TRPV4: variants seen among roughly 807,000 people sequenced by gnomAD.
TRPV4 encodes the protein transient receptor potential cation channel subfamily V member 4.
TRPV4 carries 58 observed loss-of-function variants against 84.1 expected under a neutral mutation model. The observed-to-expected ratio is 0.69, with a 90% CI of 0.56 to 0.86. The LOEUF (loss-of-function observed/expected upper bound fraction) is 0.86. TRPV4 is among the 40% of genes least tolerant of loss of function. The probability of loss-of-function intolerance (pLI) is 0.00; values close to 1 mark genes in which losing one functional copy is unlikely to be tolerated. For missense variants in TRPV4, 879 were observed against 1,181.1 expected, an observed-to-expected ratio of 0.74 and a Z score of 3.75; for synonymous variants, 489 against 500.9, an observed-to-expected ratio of 0.98 and a Z score of 0.32.
At chr12:109,788,778 G>A (rs1162132618) in intron 12 of TRPV4, 62 bp from the exon 13 acceptor site, 3 of 1,588,514 alleles carry the variant, frequency 1.9e-6, no homozygotes, top group Non-Finnish European at 1.7e-6. Context: ...GGTGGAGGGT[G>A]TCATTCTCAT....
chr12:109,798,858 T>C lies in TRPV4; in HGVS notation c.908A>G (p.Tyr303Cys). 1 of 1,613,800 alleles carries C rather than the reference T, an allele frequency of 6.2e-7. No homozygotes were observed. Among genetic ancestry groups the C allele is most frequent in the Non-Finnish European group, 8.5e-7 (1 of 1,179,956 alleles). Residue 303 changes from tyrosine to cysteine, a missense_variant, in exon 6 of 16, where the codon TAC (tyrosine) becomes TGC (cysteine). This residue lies in a region of TRPV4 where 521 missense variants were observed against 686.6 expected (regional missense o/e 0.76). Transcript: ENST00000261740. This position sits in a 1 kb window ranked among gnomAD's most constrained non-coding sequence, Gnocchi z 5.0. ...ACTNQPHIVN[Y>C]LTENPHKKAD... Reference sequence around the variant, plus strand: ...CTTCTTGTGGGGGTTCTCCGTCAGGTAGTTGACAATGTGGGGCTGGTTGGT... The same window carrying C: ...CTTCTTGTGGGGGTTCTCCGTCAGGCAGTTGACAATGTGGGGCTGGTTGGT...
At chr12:109,805,238 AC>A (rs747151060) in intron 3 of TRPV4, among the ~76,000 whole-genome samples, 1 of 152,266 alleles carries the variant, frequency 6.6e-6, no homozygotes, top group Non-Finnish European at 1.5e-5. Flanking sequence ...TAGGTGCCCA[AC>A]AACCATTTGC....
At chr12:109,792,945 A>G (rs1890139584) in intron 10 of TRPV4, 128 bp from the exon 11 acceptor site, 3 of 883,012 alleles carry the variant, frequency 3.4e-6, no homozygotes, top group Non-Finnish European at 5.2e-6. Flanking sequence ...ACCCCCAGAA[A>G]AGAAACAAAG....
rs1192751599 is a variant in TRPV4 at position 109,793,009 on chromosome 12, C to A, written c.1659-192G>T. Among the ~76,000 whole-genome samples, 1 of 152,200 alleles carries A rather than the reference C, an allele frequency of 6.6e-6. No homozygotes were observed. Among genetic ancestry groups the A allele is most frequent in the African/African-American group, 2.4e-5 (1 of 41,454 alleles). ...TTAACAAGAACATTCAATTAGCTGG[C>A]AATTAATCCTGAGGTCCCACAGGAT... is the stretch of plus-strand genomic sequence containing the variant. On this transcript the variant is annotated intron_variant, in intron 10 of 15. Coordinates refer to ENST00000261740, the MANE Select transcript of TRPV4 (RefSeq NM_021625.5). The surrounding 1 kb of genome is among the most constrained non-coding windows in gnomAD (Gnocchi z 4.0).
chr12:109,793,964 G>A lies in TRPV4; in HGVS notation c.1550C>T (p.Thr517Met), dbSNP rs780568107. The change falls in exon 9 of 16, where the codon ACG (threonine) becomes ATG (methionine). Residue 517 changes from threonine to methionine, a missense_variant. This residue lies in a region of TRPV4 where 521 missense variants were observed against 686.6 expected (regional missense o/e 0.76). Coordinates refer to ENST00000261740, the MANE Select transcript of TRPV4 (RefSeq NM_021625.5). This position sits in a 1 kb window ranked among gnomAD's most constrained non-coding sequence, Gnocchi z 4.0. Reference sequence around the variant, plus strand: ...GAAGAACAGGACCCCAGTGAAGAGCGTAATGACCTCGCCAGCCAGCCGCAG... The same window carrying A: ...GAAGAACAGGACCCCAGTGAAGAGCATAATGACCTCGCCAGCCAGCCGCAG... ...DYLRLAGEVI[T>M]LFTGVLFFFT... The A allele has an allele frequency of 6.2e-6, 10 of 1,610,396 alleles. No homozygotes were observed. Among genetic ancestry groups the A allele is most frequent in the African/African-American group, 1.3e-5 (1 of 74,872 alleles).
chr12:109,790,356 CCCAAGGACTT>C (rs767547995), intron 12 of TRPV4, among the ~76,000 whole-genome samples: 2 of 152,190 alleles, frequency 1.3e-5, no homozygotes, highest in Non-Finnish European at 2.9e-5. Context: ...CGGGGATCAG[CCCAAGGACTT>C]GGTCAGTTTC....
intron 1 of TRPV4, among the ~76,000 whole-genome samples, chr12:109,821,854 C>T (rs1892111499): frequency 6.6e-6 from 1 of 152,126 alleles, no homozygotes; most frequent in Admixed American, 6.6e-5. Flanking sequence ...TTTGATTCAT[C>T]TTCTCTCTTC....
rs1274086278 is a variant in TRPV4 at position 109,815,928 on chromosome 12, G to A, written c.-31-1101C>T. On this transcript the variant is annotated intron_variant, in intron 1 of 15. Transcript: ENST00000261740. The surrounding 1 kb of genome is among the most constrained non-coding windows in gnomAD (Gnocchi z 4.1). ...TAGCCAGGAGCCAGGGCAAGGGAGG[G>A]GCAAGGCCCCACTGGTTGGCTGTCA... Among the ~76,000 whole-genome samples the A allele has an allele frequency of 1.3e-5, 2 of 152,212 alleles. No individual in the cohort carries two copies. The highest frequency in any genetic ancestry group is 2.9e-5 in the Non-Finnish European group (2 of 68,042).
chr12:109,792,746 A>G lies in TRPV4; in HGVS notation c.1730T>C (p.Val577Ala), dbSNP rs1259883717. The G allele has an allele frequency of 6.2e-7, 1 of 1,614,166 alleles. No individual in the cohort carries two copies. The highest frequency in any genetic ancestry group is 1.3e-5 in the African/African-American group (1 of 75,066). The change falls in exon 11 of 16, where the codon GTG (valine) becomes GCG (alanine). Residue 577 changes from valine to alanine, a missense_variant. Transcript: ENST00000261740. ...GCCCAGGACCAGGGCAAAGACCATC[A>G]CGGCCAGGTAGGCCTCGATCCCTGC... ...YLAGIEAYLA[V>A]MVFALVLGWM...
Position 109,794,388 on chromosome 12 carries a change from AG to A in TRPV4, c.1431del (p.Tyr478ThrfsTer57), listed in dbSNP as rs1461928666. The stretch of plus-strand genomic sequence containing the variant: ...GTGAAGATGACCATGGCACACAGGT[AG>A]GAGACCACGTTGATGTAGAAGGAGA... ...GAVSFYINVV[S>X]YLCAMVIFTL... On this transcript the variant is annotated frameshift_variant, in exon 8 of 16. Transcript: ENST00000261740. LOFTEE classifies it high-confidence loss of function. The A allele has an allele frequency of 1.2e-6, 2 of 1,613,926 alleles. No homozygotes were observed. The highest frequency in any genetic ancestry group is 3.3e-5 in the Admixed American group (2 of 60,036).
chr12:109,792,517 C>T (rs1310531318), intron 11 of TRPV4, 88 bp from the exon 12 acceptor site: 5 of 1,572,792 alleles, frequency 3.2e-6, no homozygotes, highest in Non-Finnish European at 4.4e-6. Flanking sequence ...CTGGTCCCAC[C>T]CCAGTGTCCA....
In TRPV4 at chr12:109,808,445, G is replaced by A. The variant is rs1302810141; in HGVS notation, c.410C>T (p.Ala137Val). 3 of 1,613,316 alleles carry A rather than the reference G, an allele frequency of 1.9e-6. No individual in the cohort carries two copies. Among genetic ancestry groups the A allele is most frequent in the South Asian group, 2.2e-5 (2 of 91,088 alleles). ...IIEKQPQSPK[A>V]PAPQPPPILK... Reference sequence around the variant, plus strand: ...GATGGGGGGCGGCTGAGGGGCAGGGGCTTTGGGGCTCTGCGGCTGCTTCCT... The same window carrying A: ...GATGGGGGGCGGCTGAGGGGCAGGGACTTTGGGGCTCTGCGGCTGCTTCCT... The change falls in exon 3 of 16, where the codon GCC (alanine) becomes GTC (valine). Residue 137 changes from alanine to valine, a missense_variant. By Grantham distance (64) the Ala-to-Val change is moderately conservative. Coordinates refer to ENST00000261740, the MANE Select transcript of TRPV4 (RefSeq NM_021625.5).
chr12:109,829,402 C>G (rs1892351019), intron 1 of TRPV4, among the ~76,000 whole-genome samples: 1 of 152,206 alleles, frequency 6.6e-6, no homozygotes, highest in African/African-American at 2.4e-5. Flanking sequence ...AGCATTAAAT[C>G]AGGAAAGTAA....
At chr12:109,813,099 C>T (rs960515654) in intron 2 of TRPV4, among the ~76,000 whole-genome samples, 1 of 151,936 alleles carries the variant, frequency 6.6e-6, no homozygotes, top group African/African-American at 2.4e-5. Flanking sequence ...CAGATGAGTA[C>T]GTGGATATGT....
intron 1 of TRPV4, among the ~76,000 whole-genome samples, chr12:109,824,994 G>T (rs1892214786): frequency 6.6e-6 from 1 of 151,882 alleles, no homozygotes; most frequent in Non-Finnish European, 1.5e-5. Context: ...CCTGGGTGGG[G>T]TTAAGCCGTA....
chr12:109,783,542 G>T lies in TRPV4; in HGVS notation c.*79C>A. The T allele has an allele frequency of 1.3e-6, 2 of 1,543,110 alleles. No homozygotes were observed. The highest frequency in any genetic ancestry group is 8.8e-7 in the Non-Finnish European group (1 of 1,137,836). On this transcript the variant is annotated 3_prime_UTR_variant, in exon 16 of 16. Transcript: ENST00000261740. This position sits in a 1 kb window ranked among gnomAD's most constrained non-coding sequence, Gnocchi z 4.6. ...TCTGGGGCCAAAGCAGGGTGTGGGG[G>T]GACACCCCAGAAGGCACTGCTGAAA...
At chr12:109,790,042 T>C (rs921982169) in intron 12 of TRPV4, among the ~76,000 whole-genome samples, 1 of 152,232 alleles carries the variant, frequency 6.6e-6, no homozygotes, top group Non-Finnish European at 1.5e-5. Flanking sequence ...TAGGGCTAGA[T>C]CCCTGACCTG....
Position 109,796,926 on chromosome 12 carries a change from G to T in TRPV4, c.1153-222C>A, listed in dbSNP as rs184322298. ...GTTCCAGAAGCCACTTAACCAGTCA[G>T]CTGGAGCCAGACAGAACCTGGATGA... On this transcript the variant is annotated intron_variant, in intron 6 of 15. Transcript: ENST00000261740. The surrounding 1 kb of genome is among the most constrained non-coding windows in gnomAD (Gnocchi z 4.2). Among the ~76,000 whole-genome samples, 6 of 152,336 alleles carry T rather than the reference G, an allele frequency of 3.9e-5. No individual in the cohort carries two copies. Among genetic ancestry groups the T allele is most frequent in the African/African-American group, 1.4e-4 (6 of 41,578 alleles).
In TRPV4 at chr12:109,792,076, C is replaced by CA. The variant is rs527506694; in HGVS notation, c.1891+286dup. ...TGAAACCCCATCTCTACTAAAAATACAAAAAAAAAAAAATTAAAAAATAGT... is the reference window on the plus strand; with the variant it reads ...TGAAACCCCATCTCTACTAAAAATACAAAAAAAAAAAAAATTAAAAAATAGT... On this transcript the variant is annotated intron_variant, in intron 12 of 15. Coordinates refer to ENST00000261740, the MANE Select transcript of TRPV4 (RefSeq NM_021625.5). Among the ~76,000 whole-genome samples the CA allele has an allele frequency of 0.21, 28,369 of 135,624 alleles. 2,958 individuals carry two copies. Among genetic ancestry groups the CA allele is most frequent in the African/African-American group, 0.27 (10,060 of 36,960 alleles). 89.0% of individuals were successfully genotyped at this position (135,624 alleles called of 152,430 possible).
Sources: gnomAD v4.1 joint callset for allele counts (sites outside exome capture counted in the v4.1 genomes callset) on GRCh38, gnomAD v4.1.1 for gene constraint, gnomAD v4.1.1 regional missense constraint, Gnocchi (gnomAD v3.1) non-coding constraint, MANE v1.5 for transcripts, NCBI Gene and HGNC (gene_info 2026-07-23, HGNC 2026-07-21) for gene names.